The following OSGEPL1 variants were observed in gnomAD, a reference collection of about 807,000 sequenced individuals.
The protein encoded by OSGEPL1 is tRNA N6-adenosine threonylcarbamoyltransferase, mitochondrial.
Under a neutral mutation model 37.2 loss-of-function variants are expected in OSGEPL1, and 26 were observed. The ratio of observed to expected loss-of-function variants is 0.70; its 90% CI spans 0.51 to 0.97. The LOEUF is 0.97. Among genes scored for constraint, OSGEPL1 ranks in the 50% least tolerant of loss-of-function variants. OSGEPL1 has a pLI of 0.00. For synonymous variants in OSGEPL1, 140 were observed against 159.9 expected, an observed-to-expected ratio of 0.88 and a Z score of 0.94; for missense variants, 404 against 487.0, an observed-to-expected ratio of 0.83 and a Z score of 1.60.
chr2:189,751,420 C>T (rs995416619), intron 7 of OSGEPL1, among the ~76,000 whole-genome samples: 8 of 149,742 alleles, frequency 5.3e-5, no homozygotes, highest in Middle Eastern at 3.5e-3. Context: ...TGTCAAGTTA[C>T]GGAATATAAT....
intron 5 of OSGEPL1, among the ~76,000 whole-genome samples, chr2:189,753,493 C>A (rs553855302): frequency 6.6e-6 from 1 of 152,154 alleles, no homozygotes; most frequent in South Asian, 2.1e-4. Flanking sequence ...ATTATCAGAA[C>A]TTTATCAACA....
Position 189,761,678 on chromosome 2 carries a change from AAAC to A in OSGEPL1, c.-20-21_-20-19del. 6.7e-7 allele frequency: 1 copy of A among 1,488,960 alleles called. No individual in the cohort carries two copies. The highest frequency in any genetic ancestry group is 1.4e-5 in the South Asian group (1 of 71,798). 92.2% of individuals were successfully genotyped at this position (1,488,960 alleles called of 1,614,324 possible). A position where few individuals can be genotyped will look rare whatever the true frequency, so the allele number is the denominator to read the frequency against. ...GATAATTCCTGAAAAAGAATTACAG[AAAC>A]AACTTATTATTTGCAACTGACATTA... On this transcript the variant is annotated intron_variant, in intron 1 of 8. Transcript: ENST00000264151.
Position 189,754,026 on chromosome 2 carries a change from T to C in OSGEPL1, c.853A>G (p.Ile285Val), listed in dbSNP as rs1002095311. 1 of 1,613,564 alleles carries C rather than the reference T, an allele frequency of 6.2e-7. No individual in the cohort carries two copies. Reference sequence around the variant, plus strand: ...ATTGTGTGCTGTACTGTGGCAGCAATGTCTGCTGCTGAAGACAGGATTTGC... The same window carrying C: ...ATTGTGTGCTGTACTGTGGCAGCAACGTCTGCTGCTGAAGACAGGATTTGC... ...KGQILSSAAD[I>V]AATVQHTMAC... is the part of the protein sequence containing the mutation. Residue 285 changes from isoleucine (I) to valine (V), a missense_variant, in exon 5 of 9, where the codon ATT becomes GTT. Transcript: ENST00000264151.
chr2:189,754,566 CTA>C (rs1206038158), intron 3 of OSGEPL1: 2 of 495,250 alleles, frequency 4.0e-6, no homozygotes, highest in South Asian at 3.3e-5. Context: ...CTGCCCCTGT[CTA>C]TGTTTGCTCT....
chr2:189,753,394 A>G (rs1480067813), intron 5 of OSGEPL1, among the ~76,000 whole-genome samples: 1 of 152,190 alleles, frequency 6.6e-6, no homozygotes, highest in African/African-American at 2.4e-5. Context: ...TAATTTTTAA[A>G]TGAATAAAGT....
Position 189,754,310 on chromosome 2 carries a change from C to G in OSGEPL1, c.645G>C (p.Glu215Asp), listed in dbSNP as rs1328813436. The G allele has an allele frequency of 4.3e-6, 7 of 1,611,040 alleles. No individual in the cohort carries two copies. In the African/African-American group the frequency reaches 9.4e-5, roughly 22 times the overall value. ...CTTTCCCACCACTCATGGTGGAGCA[C>G]TCTGGATGTTTTATTAAAGAAAGTC... is the stretch of plus-strand genomic sequence containing the variant. Reference protein sequence around the residue: ...ARRLSLIKHPECSTMSGGKAI... With the variant: ...ARRLSLIKHPDCSTMSGGKAI... The change falls in exon 4 of 9, where the codon GAG (glutamate) becomes GAC (aspartate). Residue 215 changes from glutamate (E) to aspartate (D), a missense_variant. Glu to Asp is a conservative substitution (Grantham distance 45). Transcript: ENST00000264151.
intron 5 of OSGEPL1, 143 bp from the exon 6 acceptor site, chr2:189,753,122 G>T: frequency 1.6e-6 from 1 of 622,994 alleles, no homozygotes; most frequent in Non-Finnish European, 2.5e-6. Flanking sequence ...ACATATCTAT[G>T]TAATAAAAAT....
Position 189,750,540 on chromosome 2 carries a change from T to G in OSGEPL1, c.*28+10A>C. 1 of 1,112,114 alleles carries G rather than the reference T, an allele frequency of 9.0e-7. No homozygotes were observed. The highest frequency in any genetic ancestry group is 1.3e-6 in the Non-Finnish European group (1 of 753,842). 68.9% of individuals were successfully genotyped at this position (1,112,114 alleles called of 1,614,324 possible). ...AAACAATAAAAACTTAATTTTAACC[T>G]TAATACTACCTTTAGGGACTTTTTT... On this transcript the variant is annotated intron_variant, in intron 8 of 8. Coordinates refer to ENST00000264151, the MANE Select transcript of OSGEPL1 (RefSeq NM_022353.3).
Position 189,752,935 on chromosome 2 carries a change from A to G in OSGEPL1, c.1008T>C (p.Ala336=). 6.2e-7 allele frequency: 1 copy of G among 1,613,490 alleles called. No individual in the cohort carries two copies. Among genetic ancestry groups the G allele is most frequent in the Non-Finnish European group, 8.5e-7 (1 of 1,179,740 alleles). The change falls in exon 6 of 9, where the codon GCT becomes GCC. Residue 336 remains alanine, a synonymous_variant. Coordinates refer to ENST00000264151, the MANE Select transcript of OSGEPL1 (RefSeq NM_022353.3). The part of the protein sequence containing the change: ...GVASNFYIRR[A]LEILTNATQC... ...GTGTTGCATTTGTTAAAATTTCCAG[A>G]GCTCTGCGGATATAGAAGTTACTTG...
At chr2:189,756,215 A>G (rs755812351) in intron 2 of OSGEPL1, among the ~76,000 whole-genome samples, 5 of 152,184 alleles carry the variant, frequency 3.3e-5, no homozygotes, top group Admixed American at 1.3e-4. Flanking sequence ...CCTGAAATAC[A>G]GTTTGGGAAT....
chr2:189,758,470 C>T (rs915646208), intron 2 of OSGEPL1, among the ~76,000 whole-genome samples: 4 of 152,170 alleles, frequency 2.6e-5, no homozygotes, highest in African/African-American at 9.7e-5. Flanking sequence ...ATTTGCCTTC[C>T]GCCATGAGTA....
At chr2:189,759,395 T>C (rs1377637488) in intron 2 of OSGEPL1, among the ~76,000 whole-genome samples, 1 of 152,208 alleles carries the variant, frequency 6.6e-6, no homozygotes, top group Middle Eastern at 3.4e-3. Flanking sequence ...ACTACAGGCG[T>C]CCGCCACCAC....
chr2:189,754,536 G>A (rs984838124), intron 3 of OSGEPL1, 191 bp from the exon 4 acceptor site: 10 of 552,518 alleles, frequency 1.8e-5, no homozygotes, highest in South Asian at 8.2e-5. Context: ...ATGATGACCC[G>A]AACAATAAGA....
At chr2:189,749,274 T>G (rs2044706308) in intron 8 of OSGEPL1, among the ~76,000 whole-genome samples, 1 of 112,146 alleles carries the variant, frequency 8.9e-6, no homozygotes, top group Non-Finnish European at 1.7e-5. Context: ...AAAAGATTAT[T>G]TTTATTACTC....
At chr2:189,758,023 A>C (rs1373701792) in intron 2 of OSGEPL1, among the ~76,000 whole-genome samples, 1 of 152,146 alleles carries the variant, frequency 6.6e-6, no homozygotes, top group East Asian at 1.9e-4. Context: ...TGACTACATC[A>C]TGGGGGCGTA....
Position 189,747,635 on chromosome 2 carries a change from G to A in OSGEPL1, c.*29-467C>T, listed in dbSNP as rs2044349313. ...TGTCTGCTTCTCCTATTTTATAGCTGCAGATAGATATGATACAAACACCTG... is the reference window on the plus strand; with the variant it reads ...TGTCTGCTTCTCCTATTTTATAGCTACAGATAGATATGATACAAACACCTG... On this transcript the variant is annotated intron_variant, in intron 8 of 8. Coordinates refer to ENST00000264151, the MANE Select transcript of OSGEPL1 (RefSeq NM_022353.3). 6.6e-5 allele frequency among the ~76,000 whole-genome samples: 10 copies of A among 152,226 alleles called. 1 individual carries two copies. The South Asian group carries it at 2.1e-3, about 32-fold the overall frequency.
intron 7 of OSGEPL1, 79 bp downstream of exon 7, chr2:189,752,574 A>G: frequency 1.5e-6 from 2 of 1,357,072 alleles, no homozygotes; most frequent in Non-Finnish European, 2.1e-6. Flanking sequence ...GTCAATGAAA[A>G]CCTCATATAT....
At chr2:189,753,038 AT>A (rs2045526882) in intron 5 of OSGEPL1, 59 bp from the exon 6 acceptor site, 1 of 1,452,612 alleles carries the variant, frequency 6.9e-7, no homozygotes, top group Admixed American at 2.6e-5. Context: ...CAAGCTGCTA[AT>A]TAAACCTGGA....
At chr2:189,749,348 T>C (rs1047565250) in intron 8 of OSGEPL1, among the ~76,000 whole-genome samples, 22 of 150,680 alleles carry the variant, frequency 1.5e-4, no homozygotes, top group Non-Finnish European at 2.8e-4. Flanking sequence ...AGTTGGAGGA[T>C]TACATGAGCC....
Sources: gnomAD v4.1 joint callset for allele counts (sites outside exome capture counted in the v4.1 genomes callset) on GRCh38, gnomAD v4.1.1 for gene constraint, MANE v1.5 for transcripts, NCBI Gene and HGNC (gene_info 2026-07-23, HGNC 2026-07-21) for gene names.